Variants in CHDH observed in about 807,000 individuals in gnomAD.
CHDH encodes choline dehydrogenase.
In CHDH, 43 loss-of-function variants were observed where a neutral mutation model predicts 56.9. That is an observed-to-expected ratio of 0.76 (90% confidence interval 0.59 to 0.97). The LOEUF is 0.97. Ranked by LOEUF, CHDH falls within the 50% of genes least tolerant of loss-of-function variation. The pLI, the probability that CHDH is intolerant of heterozygous loss-of-function variation, is 0.00. For synonymous variants in CHDH, 364 were observed against 348.5 expected, an observed-to-expected ratio of 1.04 and a Z score of -0.50; for missense variants, 816 against 821.1, an observed-to-expected ratio of 0.99 and a Z score of 0.08.
At chr3:53,834,212 C>T (rs1000335796) in intron 2 of CHDH, among the ~76,000 whole-genome samples, 10 of 152,132 alleles carry the variant, frequency 6.6e-5, no homozygotes, top group African/African-American at 1.9e-4. Context: ...TTTGGGAGGC[C>T]GAGGTGGGTG....
rs34971544 is a variant in CHDH at position 53,838,056 on chromosome 3, CAAAAAAAAAAAA to C, written c.-60+2861_-60+2872del. On this transcript the variant is annotated intron_variant, in intron 2 of 8. Coordinates refer to ENST00000315251, the MANE Select transcript of CHDH (RefSeq NM_018397.5). ...TGGGCGACAGAGTGAGACTCTGTCT[CAAAAAAAAAAAA>C]AAAAAAAAAAAAAAAAGAGACTGTA... 0.014 allele frequency among the ~76,000 whole-genome samples: 821 copies of C among 58,870 alleles called. 25 individuals are homozygous for C. In the East Asian group the frequency reaches 0.21, roughly 15 times the overall value. 38.6% of individuals were successfully genotyped at this position (58,870 alleles called of 152,430 possible).
rs1285560501 is a variant in CHDH, at chr3:53,822,722, AAG to A, written c.704-82_704-81del. On this transcript the variant is annotated intron_variant, in intron 3 of 8. Coordinates refer to ENST00000315251, the MANE Select transcript of CHDH (RefSeq NM_018397.5). ...GCAGGAGGAAGGAGCTGGAGAAAGA[AAG>A]AGTGGATATGCCCAGCTCTGACTGC... The A allele has an allele frequency of 1.1e-5, 17 of 1,514,928 alleles. No homozygotes were observed. In the East Asian group the frequency reaches 3.9e-4, roughly 35 times the overall value. 93.8% of individuals were successfully genotyped at this position (1,514,928 alleles called of 1,614,324 possible).
intron 4 of CHDH, among the ~76,000 whole-genome samples, 170 bp downstream of exon 4, chr3:53,822,318 GCTT>G (rs1415572214): frequency 4.0e-5 from 6 of 150,476 alleles, no homozygotes; most frequent in African/African-American, 1.2e-4. Context: ...AGGACTAGGG[GCTT>G]CTTCACCTCC....
At position 53,823,459 on chromosome 3, in the gene CHDH, C is replaced by G. The variant is rs778513992; in HGVS notation, c.550G>C (p.Asp184His). 5.8e-6 allele frequency: 9 copies of G among 1,557,262 alleles called. No individual in the cohort carries two copies. The South Asian group carries it at 9.4e-5, about 16-fold the overall frequency. ...ELGASRYRGA[D>H]GPLRVSRGKT... ...CCCCGGGACACCCGCAGCGGGCCAT[C>G]GGCGCCCCGGTACCGGCTGGCGCCC... The change falls in exon 3 of 9, where the codon GAT becomes CAT. Residue 184 changes from aspartate to histidine, a missense_variant. By Grantham distance (81) the Asp-to-His change is moderately conservative (BLOSUM62 -1). Transcript: ENST00000315251.
intron 1 of CHDH, among the ~76,000 whole-genome samples, chr3:53,843,190 T>TTC (rs1698733875): frequency 1.4e-5 from 2 of 143,086 alleles, no homozygotes; most frequent in South Asian, 4.9e-4. Context: ...CCCCCCACCT[T>TTC]TTTTTTTTTT....
In CHDH at chr3:53,817,973, G is replaced by C. The variant is rs773230904; in HGVS notation, c.1589C>G (p.Pro530Arg). ...TTCCACCCCGAGGACCCTTGTCTGCGGATCCACCACGGCAGTGGGATCGGA... is the reference window on the plus strand; with the variant it reads ...TTCCACCCCGAGGACCCTTGTCTGCCGATCCACCACGGCAGTGGGATCGGA... ...QPSDPTAVVD[P>R]QTRVLGVENL... Residue 530 changes from proline to arginine, a missense_variant, in exon 9 of 9, where the codon CCG (proline) becomes CGG (arginine). Coordinates refer to ENST00000315251, the MANE Select transcript of CHDH (RefSeq NM_018397.5). 1.2e-6 allele frequency: 2 copies of C among 1,614,186 alleles called. No individual in the cohort carries two copies. The highest frequency in any genetic ancestry group is 2.2e-5 in the South Asian group (2 of 91,086).
At chr3:53,833,435 C>A (rs1163949735) in intron 2 of CHDH, among the ~76,000 whole-genome samples, 1 of 152,248 alleles carries the variant, frequency 6.6e-6, no homozygotes, top group East Asian at 1.9e-4. Flanking sequence ...CTCTCAGGCC[C>A]GCAGGCTGGG....
chr3:53,844,011 C>A (rs1489484826), intron 1 of CHDH, among the ~76,000 whole-genome samples: 1 of 152,212 alleles, frequency 6.6e-6, no homozygotes, highest in South Asian at 2.1e-4. Context: ...GGGGGGAAAA[C>A]CCCCGAGGGG....
At position 53,821,702 on chromosome 3, in the gene CHDH, G is replaced by C; in HGVS notation, c.930C>G (p.Ile310Met). ...NSPQLLMLSG[I>M]GNADDLKKLG... The stretch of plus-strand genomic sequence containing the variant: ...GTTTCTTGAGGTCATCAGCATTCCC[G>C]ATGCCAGAGAGCATGAGCAGCTGTG... Residue 310 changes from isoleucine (I) to methionine (M), a missense_variant, in exon 5 of 9, where the codon ATC becomes ATG. Physicochemically the swap from Ile to Met is conservative, Grantham distance 10 (BLOSUM62 1). Transcript: ENST00000315251. 6.2e-7 allele frequency: 1 copy of C among 1,614,022 alleles called. No homozygotes were observed.
intron 2 of CHDH, among the ~76,000 whole-genome samples, chr3:53,839,450 C>T (rs1232389440): frequency 4.6e-5 from 7 of 152,176 alleles, no homozygotes; most frequent in African/African-American, 1.7e-4. Flanking sequence ...GGAACAAGAT[C>T]CAACCATGAG....
At chr3:53,837,991 A>G (rs1476020837) in intron 2 of CHDH, among the ~76,000 whole-genome samples, 1 of 137,570 alleles carries the variant, frequency 7.3e-6, no homozygotes, top group East Asian at 2.4e-4. Flanking sequence ...TGGGAGGCAC[A>G]GGTTGCCATG....
intron 2 of CHDH, among the ~76,000 whole-genome samples, chr3:53,839,140 CAT>C (rs1463594901): frequency 3.3e-5 from 5 of 152,198 alleles, no homozygotes; most frequent in South Asian, 2.1e-4. Flanking sequence ...ACTTCACACA[CAT>C]GAGGCAATTA....
In CHDH at chr3:53,819,666, C is replaced by T; in HGVS notation, c.1129G>A (p.Ala377Thr). 1.2e-6 allele frequency: 2 copies of T among 1,601,468 alleles called. No homozygotes were observed. Among genetic ancestry groups the T allele is most frequent in the Non-Finnish European group, 1.7e-6 (2 of 1,173,476 alleles). The change falls in exon 7 of 9, where the codon GCC becomes ACC. Residue 377 changes from alanine (A) to threonine (T), a missense_variant. Coordinates refer to ENST00000315251, the MANE Select transcript of CHDH (RefSeq NM_018397.5). This position sits in a 1 kb window ranked among gnomAD's most constrained non-coding sequence, Gnocchi z 5.4. ...CCACCTGTTTCCAGATGGGCAGTGGCTCCCTCCCCTGAGAAGCAGAAGAGG... is the reference window on the plus strand; with the variant it reads ...CCACCTGTTTCCAGATGGGCAGTGGTTCCCTCCCCTGAGAAGCAGAAGAGG... ...EWLWKFTGEG[A>T]TAHLETGGFI...
Position 53,819,462 on chromosome 3 carries a change from A to G in CHDH, c.1263+70T>C. On this transcript the variant is annotated intron_variant, in intron 7 of 8. Transcript: ENST00000315251. The surrounding 1 kb of genome is among the most constrained non-coding windows in gnomAD (Gnocchi z 5.4). ...GCACCAGGGAGAATGCTGCCTTGGA[A>G]GATGGGAGCATCTTCCTTCCTGGTG... 4 of 1,541,842 alleles carry G rather than the reference A, an allele frequency of 2.6e-6. No homozygotes were observed. The highest frequency in any genetic ancestry group is 3.5e-6 in the Non-Finnish European group (4 of 1,141,652).
intron 1 of CHDH, among the ~76,000 whole-genome samples, chr3:53,843,123 GA>G (rs1404777964): frequency 1.3e-5 from 2 of 150,556 alleles, no homozygotes; most frequent in African/African-American, 2.4e-5. Context: ...GCAAAGGTCG[GA>G]ATAACAATGA....
chr3:53,841,172 A>G (rs1698659238), intron 1 of CHDH, among the ~76,000 whole-genome samples, 173 bp from the exon 2 acceptor site: 1 of 152,146 alleles, frequency 6.6e-6, no homozygotes, highest in African/African-American at 2.4e-5. Flanking sequence ...AAATTGGCCC[A>G]TGAAAGATTA....
At chr3:53,818,889 A>T (rs780304311) in intron 8 of CHDH, 49 bp downstream of exon 8, 1 of 1,149,688 alleles carries the variant, frequency 8.7e-7, no homozygotes, top group Admixed American at 1.7e-5. Context: ...GGAACCCCAC[A>T]AAGGCATTCG....
intron 2 of CHDH, among the ~76,000 whole-genome samples, chr3:53,829,136 G>C (rs1280432161): frequency 6.6e-6 from 1 of 152,050 alleles, no homozygotes; most frequent in African/African-American, 2.4e-5. Flanking sequence ...CTAAACGAAA[G>C]AAGCCAATCA....
chr3:53,820,673 C>G, intron 5 of CHDH, 65 bp from the exon 6 acceptor site: 2 of 1,555,944 alleles, frequency 1.3e-6, no homozygotes, highest in South Asian at 2.5e-5. Context: ...CTCAATATCC[C>G]CCCGGTTTTG....
Sources: allele counts gnomAD v4.1 joint callset (sites outside exome capture counted in the v4.1 genomes callset), GRCh38; gene constraint gnomAD v4.1.1; non-coding constraint Gnocchi (gnomAD v3.1); transcripts MANE v1.5; gene names NCBI Gene and HGNC (gene_info 2026-07-23, HGNC 2026-07-21).